The following RPS18 variants were observed in gnomAD, a reference collection of about 807,000 sequenced individuals.
The protein encoded by RPS18 is small ribosomal subunit protein uS13.
For synonymous variants in RPS18, 64 were observed against 70.9 expected (o/e 0.90, Z 0.49); for missense variants, 49 against 200.8 (o/e 0.24, Z 4.57).
At position 33,272,188 on chromosome 6, in the gene RPS18, G is replaced by C. The variant is rs1765236980; in HGVS notation, c.3+66G>C. On this transcript the variant is annotated intron_variant, in intron 1 of 5. Coordinates refer to ENST00000439602, the MANE Select transcript of RPS18 (RefSeq NM_022551.3). Reference sequence around the variant, plus strand: ...CTCGGGCAAGGAAAGCCGGCTGTCAGGGTTCTGGAAACGTCCTGCCCTGAG... The same window carrying C: ...CTCGGGCAAGGAAAGCCGGCTGTCACGGTTCTGGAAACGTCCTGCCCTGAG... The C allele has an allele frequency of 2.6e-6, 4 of 1,544,156 alleles. No homozygotes were observed. The Admixed American group carries it at 7.8e-5, about 30-fold the overall frequency.
At chr6:33,274,027 AT>A (rs1765471249) in intron 2 of RPS18, among the ~76,000 whole-genome samples, 1 of 152,158 alleles carries the variant, frequency 6.6e-6, no homozygotes, top group African/African-American at 2.4e-5. Flanking sequence ...GTGCAATCTT[AT>A]CTCACTGCAA....
At chr6:33,273,493 G>A (rs1765407858) in intron 2 of RPS18, among the ~76,000 whole-genome samples, 1 of 152,136 alleles carries the variant, frequency 6.6e-6, no homozygotes, top group Non-Finnish European at 1.5e-5. Context: ...TGCATGGTAG[G>A]TACTTAGGCG....
chr6:33,274,074 C>A (rs10080929), intron 2 of RPS18, among the ~76,000 whole-genome samples: 1 of 152,128 alleles, frequency 6.6e-6, no homozygotes, highest in Non-Finnish European at 1.5e-5. Flanking sequence ...TACAGGCACA[C>A]GCCCAGCTAA....
In RPS18 at chr6:33,272,178, C is replaced by T. The variant is rs544132791; in HGVS notation, c.3+56C>T. On this transcript the variant is annotated intron_variant, in intron 1 of 5. Transcript: ENST00000439602. ...GGCATCGCAGCTCGGGCAAGGAAAGCCGGCTGTCAGGGTTCTGGAAACGTC... is the reference window on the plus strand; with the variant it reads ...GGCATCGCAGCTCGGGCAAGGAAAGTCGGCTGTCAGGGTTCTGGAAACGTC... The T allele has an allele frequency of 6.5e-5, 100 of 1,549,210 alleles. No individual in the cohort carries two copies. In the African/African-American group the frequency reaches 1.1e-3, roughly 16 times the overall value.
intron 1 of RPS18, 119 bp downstream of exon 1, chr6:33,272,241 G>A: frequency 8.7e-7 from 1 of 1,155,982 alleles, no homozygotes; most frequent in Non-Finnish European, 1.3e-6. Context: ...ATGGAGCCTT[G>A]GATCGCGTCC....
rs1377023884 is a variant in RPS18 at position 33,273,935 on chromosome 6, C to T, written c.102+1209C>T. ...AAGACCCTGCTCTCTTCTGAATCAA[C>T]CTAATAATTTGACCCTTGGTCATGT... On this transcript the variant is annotated intron_variant, in intron 2 of 5. Transcript: ENST00000439602. 2.6e-5 allele frequency among the ~76,000 whole-genome samples: 4 copies of T among 151,902 alleles called. No homozygotes were observed. The South Asian group carries it at 6.3e-4, about 24-fold the overall frequency.
intron 1 of RPS18, 190 bp from the exon 2 acceptor site, chr6:33,272,438 C>T: frequency 1.6e-6 from 1 of 623,144 alleles, no homozygotes. Context: ...CAAGCTTGAA[C>T]GCTTCATGTG....
intron 4 of RPS18, 51 bp downstream of exon 4, chr6:33,276,117 A>G (rs1237663378): frequency 1.9e-6 from 3 of 1,606,356 alleles, no homozygotes; most frequent in East Asian, 2.2e-5. Context: ...GGGTCCTAAC[A>G]GAATTGGGCA....
rs369718545 is a variant in RPS18, at chr6:33,272,097, A to G, written c.-23A>G. ...GCTCTCTCTTCCACAGGAGGCCTACACGCCGCCGCTTGTGCTGCAGCCATG... is the reference window on the plus strand; with the variant it reads ...GCTCTCTCTTCCACAGGAGGCCTACGCGCCGCCGCTTGTGCTGCAGCCATG... On this transcript the variant is annotated 5_prime_UTR_variant, in exon 1 of 6. Transcript: ENST00000439602. 6.4e-6 allele frequency: 10 copies of G among 1,565,964 alleles called. No individual in the cohort carries two copies. The highest frequency in any genetic ancestry group is 1.4e-5 in the African/African-American group (1 of 73,892).
rs773260534 is a variant in RPS18, at chr6:33,276,164, C to T, written c.292-12C>T. ...GGGATAAAACATCCCTTGCCCCCTC[C>T]TCTGAATCCAGGTCCTAGCCAATGG... On this transcript the variant is annotated splice_polypyrimidine_tract_variant and intron_variant, in intron 4 of 5. Transcript: ENST00000439602. The T allele has an allele frequency of 1.3e-5, 21 of 1,613,716 alleles. No homozygotes were observed. Among genetic ancestry groups the T allele is most frequent in the African/African-American group, 2.7e-5 (2 of 74,910 alleles).
At chr6:33,272,394 G>A in intron 1 of RPS18, 4 of 605,388 alleles carry the variant, frequency 6.6e-6, no homozygotes, top group Admixed American at 2.9e-5. Context: ...ATGGGCAGGA[G>A]ACCTGCTTCC....
intron 2 of RPS18, among the ~76,000 whole-genome samples, chr6:33,274,672 A>G (rs1765509014): frequency 1.3e-5 from 2 of 152,110 alleles, no homozygotes; most frequent in South Asian, 4.1e-4. Flanking sequence ...TTGTAGCTGC[A>G]TTACTCCAAT....
At chr6:33,273,299 C>A (rs213204) in intron 2 of RPS18, among the ~76,000 whole-genome samples, 52,568 of 152,024 alleles carry the variant, frequency 0.35, 9,490 homozygotes, top group East Asian at 0.6. Context: ...AGAATCGAAT[C>A]AATGAATGCA....
chr6:33,272,184 G>T, intron 1 of RPS18, 62 bp downstream of exon 1: 1 of 1,546,614 alleles, frequency 6.5e-7, no homozygotes, highest in Admixed American at 2.0e-5. Flanking sequence ...AAAGCCGGCT[G>T]TCAGGGTTCT....
chr6:33,273,087 C>T (rs1040566125), intron 2 of RPS18, among the ~76,000 whole-genome samples: 1 of 152,026 alleles, frequency 6.6e-6, no homozygotes, highest in African/African-American at 2.4e-5. Flanking sequence ...ACCCTTCCTG[C>T]GAAATTTATA....
chr6:33,272,405 T>TA (rs1765266554), intron 1 of RPS18: 1 of 605,672 alleles, frequency 1.7e-6, no homozygotes, highest in Admixed American at 2.9e-5. Flanking sequence ...ACCTGCTTCC[T>TA]CTCTCCAGAG....
At position 33,272,103 on chromosome 6, in the gene RPS18, C is replaced by A. The variant is rs781088005; in HGVS notation, c.-17C>A. On this transcript the variant is annotated 5_prime_UTR_variant, in exon 1 of 6. Transcript: ENST00000439602. Reference sequence around the variant, plus strand: ...TCTTCCACAGGAGGCCTACACGCCGCCGCTTGTGCTGCAGCCATGGTAAGA... The same window carrying A: ...TCTTCCACAGGAGGCCTACACGCCGACGCTTGTGCTGCAGCCATGGTAAGA... 5 of 1,567,176 alleles carry A rather than the reference C, an allele frequency of 3.2e-6. No homozygotes were observed. The highest frequency in any genetic ancestry group is 3.5e-6 in the Non-Finnish European group (4 of 1,155,812).
rs774026658 is a variant in RPS18, at chr6:33,272,733, G to A, written c.102+7G>A. 1 of 1,377,072 alleles carries A rather than the reference G, an allele frequency of 7.3e-7. No individual in the cohort carries two copies. Among genetic ancestry groups the A allele is most frequent in the South Asian group, 1.2e-5 (1 of 86,146 alleles). 85.3% of individuals were successfully genotyped at this position (1,377,072 alleles called of 1,614,324 possible). A position where few individuals can be genotyped will look rare whatever the true frequency, so the allele number is the denominator to read the frequency against. ...TGCCATCACTGCCATTAAGGTAAGT[G>A]AAGTAGGGTAAGGAATAGGGAATGT... On this transcript the variant is annotated splice_region_variant and intron_variant, in intron 2 of 5. Coordinates refer to ENST00000439602, the MANE Select transcript of RPS18 (RefSeq NM_022551.3).
At chr6:33,273,275 T>A (rs1241558566) in intron 2 of RPS18, among the ~76,000 whole-genome samples, 2 of 152,232 alleles carry the variant, frequency 1.3e-5, no homozygotes, top group Non-Finnish European at 2.9e-5. Context: ...ACATCCATCT[T>A]TCTTTGGCTT....
Sources: gnomAD v4.1 joint callset for allele counts (sites outside exome capture counted in the v4.1 genomes callset) on GRCh38, gnomAD v4.1.1 for gene constraint, MANE v1.5 for transcripts, NCBI Gene and HGNC (gene_info 2026-07-23, HGNC 2026-07-21) for gene names.